The following TBCCD1 variants were observed in gnomAD, a reference collection of about 807,000 sequenced individuals.
TBCCD1 encodes the protein TBCC domain-containing protein 1.
In TBCCD1, 26 loss-of-function variants were observed where a neutral mutation model predicts 53.4. That is an observed-to-expected ratio of 0.49 (90% CI 0.36 to 0.68). TBCCD1 has a LOEUF of 0.68. Among genes scored for constraint, TBCCD1 ranks in the 30% least tolerant of loss-of-function variants. The pLI is 0.00. For synonymous variants in TBCCD1, 245 were observed against 241.7 expected (o/e 1.01, Z -0.13); for missense variants, 558 against 669.5 (o/e 0.83, Z 1.84).
intron 6 of TBCCD1, among the ~76,000 whole-genome samples, chr3:186,552,123 C>T (rs1714398847): frequency 6.6e-6 from 1 of 152,046 alleles, no homozygotes; most frequent in Non-Finnish European, 1.5e-5. Context: ...AGAGAGATGG[C>T]CTCCCTAAGA....
At chr3:186,557,063 G>C (rs1370090779) in intron 3 of TBCCD1, among the ~76,000 whole-genome samples, 2 of 152,156 alleles carry the variant, frequency 1.3e-5, no homozygotes, top group Non-Finnish European at 2.9e-5. Context: ...GGAACTGACT[G>C]GCCCAGGTCG....
intron 3 of TBCCD1, among the ~76,000 whole-genome samples, chr3:186,557,090 C>CACTTTA (rs1452044106): frequency 6.6e-6 from 1 of 152,134 alleles, no homozygotes; most frequent in Non-Finnish European, 1.5e-5. Flanking sequence ...TAAATCTGGC[C>CACTTTA]AATTTCAAAT....
intron 2 of TBCCD1, among the ~76,000 whole-genome samples, chr3:186,560,071 C>T (rs1714650343): frequency 6.6e-6 from 1 of 151,794 alleles, no homozygotes; most frequent in South Asian, 2.1e-4. Flanking sequence ...AGTGTAATTC[C>T]CTGATTTTAT....
Position 186,546,134 on chromosome 3 carries a change from T to G in TBCCD1, c.*843A>C, listed in dbSNP as rs933135559. 3 of 152,328 alleles carry G rather than the reference T, an allele frequency of 2.0e-5. No individual in the cohort carries two copies. In the East Asian group the frequency reaches 5.8e-4, roughly 29 times the overall value. 9.4% of individuals were successfully genotyped at this position (152,328 alleles called of 1,614,324 possible). A position where few individuals can be genotyped will look rare whatever the true frequency, so the allele number is the denominator to read the frequency against. ...AAAATAAAGATTTTTTTAAACAATT[T>G]CATTAAGTTCCATACTTTAAGGACT... On this transcript the variant is annotated 3_prime_UTR_variant, in exon 8 of 8. Coordinates refer to ENST00000338733, the MANE Select transcript of TBCCD1 (RefSeq NM_018138.5).
chr3:186,556,539 G>C lies in TBCCD1; in HGVS notation c.729C>G (p.Gly243=), dbSNP rs1453624272. Residue 243 remains glycine, a synonymous_variant, in exon 4 of 8, where the codon GGC becomes GGG. Coordinates refer to ENST00000338733, the MANE Select transcript of TBCCD1 (RefSeq NM_018138.5). Reference sequence around the variant, plus strand: ...AGAAAGTCTTAGAGATCTTTGAGAAGCCACTATCTGCATGCAGTGGTTGCC... The same window carrying C: ...AGAAAGTCTTAGAGATCTTTGAGAACCCACTATCTGCATGCAGTGGTTGCC... ...ALWQPLHADS[G]FSKISKTFSF... is the part of the protein sequence containing the mutation. 6.2e-7 allele frequency: 1 copy of C among 1,613,454 alleles called. No individual in the cohort carries two copies. Among genetic ancestry groups the C allele is most frequent in the Non-Finnish European group, 8.5e-7 (1 of 1,179,876 alleles).
chr3:186,554,979 T>C lies in TBCCD1; in HGVS notation c.965A>G (p.Lys322Arg). 1 of 1,614,014 alleles carries C rather than the reference T, an allele frequency of 6.2e-7. No homozygotes were observed. The highest frequency in any genetic ancestry group is 1.1e-5 in the South Asian group (1 of 91,078). The change falls in exon 5 of 8, where the codon AAG becomes AGG. Residue 322 changes from lysine (K) to arginine (R), a missense_variant. Lys to Arg is a conservative substitution (Grantham distance 26, BLOSUM62 2). Coordinates refer to ENST00000338733, the MANE Select transcript of TBCCD1 (RefSeq NM_018138.5). ...MSQVYKQTLA[K>R]SSDTLAGAHV... ...TGCCCCCGCCAGAGTGTCTGAGCTC[T>C]TAGCCAGTGTCTGCTTGTAAACCTG... is the stretch of plus-strand genomic sequence containing the variant.
chr3:186,557,875 A>G (rs1714585969), intron 3 of TBCCD1, among the ~76,000 whole-genome samples: 1 of 152,210 alleles, frequency 6.6e-6, no homozygotes, highest in Admixed American at 6.5e-5. Flanking sequence ...CATTTTACTT[A>G]AAGTTTTTCA....
Position 186,565,598 on chromosome 3 carries a change from T to C in TBCCD1, c.-43-1226A>G, listed in dbSNP as rs188489797. ...TTTCAGATTTTTCACAAAAACAACA[T>C]AGGCAAAATACTGATCATTATTGAA... On this transcript the variant is annotated intron_variant, in intron 1 of 7. Coordinates refer to ENST00000338733, the MANE Select transcript of TBCCD1 (RefSeq NM_018138.5). Among the ~76,000 whole-genome samples, 143 of 152,274 alleles carry C rather than the reference T, an allele frequency of 9.4e-4. 1 individual carries two copies. Among genetic ancestry groups the C allele is most frequent in the Middle Eastern group, 3.4e-3 (1 of 294 alleles).
chr3:186,560,942 G>T (rs1411861382), intron 2 of TBCCD1, among the ~76,000 whole-genome samples: 1 of 152,158 alleles, frequency 6.6e-6, no homozygotes, highest in Non-Finnish European at 1.5e-5. Flanking sequence ...ATGAAATTGG[G>T]ACCATAGCTT....
At chr3:186,566,007 T>C (rs558982427) in intron 1 of TBCCD1, among the ~76,000 whole-genome samples, 20 of 152,302 alleles carry the variant, frequency 1.3e-4, no homozygotes, top group Admixed American at 1.2e-3. Flanking sequence ...ATTATTATAT[T>C]TTGCATTTGA....
intron 7 of TBCCD1, among the ~76,000 whole-genome samples, chr3:186,547,442 G>C (rs1714245572): frequency 6.6e-6 from 1 of 151,670 alleles, no homozygotes; most frequent in Non-Finnish European, 1.5e-5. Context: ...TTTTTGTAGA[G>C]ACAGGGTCTC....
chr3:186,556,038 C>T (rs1427111966), intron 4 of TBCCD1, among the ~76,000 whole-genome samples: 3 of 152,164 alleles, frequency 2.0e-5, no homozygotes, highest in African/African-American at 7.2e-5. Context: ...TTGTAAACAA[C>T]ACCGCTGAAA....
intron 7 of TBCCD1, among the ~76,000 whole-genome samples, chr3:186,547,302 G>C (rs1345230588): frequency 6.6e-6 from 1 of 151,150 alleles, no homozygotes; most frequent in African/African-American, 2.4e-5. Context: ...CTGTTGCCCA[G>C]GCTGGAATAC....
intron 1 of TBCCD1, among the ~76,000 whole-genome samples, chr3:186,564,663 T>C (rs56906332): frequency 0.055 from 8,389 of 152,186 alleles, 801 homozygotes; most frequent in African/African-American, 0.19. Flanking sequence ...AGGAAGAAAA[T>C]GAATGAGGGG....
In TBCCD1 at chr3:186,556,708, A is replaced by T; in HGVS notation, c.560T>A (p.Leu187Ter). The T allele has an allele frequency of 6.2e-7, 1 of 1,614,236 alleles. No individual in the cohort carries two copies. The highest frequency in any genetic ancestry group is 8.5e-7 in the Non-Finnish European group (1 of 1,180,042). Reference sequence around the variant, plus strand: ...TGATGCAGTGAGTTGTTTTGGATCTAAAAGCAGCTCGAGGAGATCAGACAG... The same window carrying T: ...TGATGCAGTGAGTTGTTTTGGATCTTAAAGCAGCTCGAGGAGATCAGACAG... ...DHLSDLLELLLDPKQLTASFH... is the reference protein window; with the variant it reads ...DHLSDLLELL The change falls in exon 4 of 8, where the codon TTA (leucine) becomes TAA (stop). Residue 187 changes from leucine (L) to a stop codon, truncating the protein, a stop_gained. Transcript: ENST00000338733. LOFTEE classifies it high-confidence loss of function.
At chr3:186,561,848 T>C (rs1714699915) in intron 2 of TBCCD1, among the ~76,000 whole-genome samples, 4 of 152,064 alleles carry the variant, frequency 2.6e-5, no homozygotes, top group Admixed American at 2.6e-4. Context: ...AGAACTACCA[T>C]ACGATCTAGC....
chr3:186,549,571 T>C (rs201294796), intron 7 of TBCCD1, among the ~76,000 whole-genome samples: 3 of 152,182 alleles, frequency 2.0e-5, no homozygotes, highest in African/African-American at 4.8e-5. Flanking sequence ...TGAGACAGGA[T>C]TGCTTGAGCG....
Position 186,546,390 on chromosome 3 carries a change from A to G in TBCCD1, c.*587T>C, listed in dbSNP as rs911702579. On this transcript the variant is annotated 3_prime_UTR_variant, in exon 8 of 8. Coordinates refer to ENST00000338733, the MANE Select transcript of TBCCD1 (RefSeq NM_018138.5). ...ATATTAACATACATACAATGGTACT[A>G]CCTTCACCAACTTTTTCATTTGGGC... is the stretch of plus-strand genomic sequence containing the variant. 2.0e-5 allele frequency: 3 copies of G among 152,222 alleles called. No individual in the cohort carries two copies. The highest frequency in any genetic ancestry group is 7.2e-5 in the African/African-American group (3 of 41,452). The allele number at this position is 152,222 out of a possible 1,614,324, so 9.4% of individuals were successfully genotyped here.
chr3:186,560,821 C>T (rs931411630), intron 2 of TBCCD1, among the ~76,000 whole-genome samples: 3 of 152,212 alleles, frequency 2.0e-5, no homozygotes, highest in African/African-American at 7.2e-5. Context: ...CAGAAACAAA[C>T]TCACACATAT....
Sources: gnomAD v4.1 joint callset for allele counts (sites outside exome capture counted in the v4.1 genomes callset) on GRCh38, gnomAD v4.1.1 for gene constraint, MANE v1.5 for transcripts, NCBI Gene and HGNC (gene_info 2026-07-23, HGNC 2026-07-21) for gene names.